LMNB2: variants seen among roughly 807,000 people sequenced by gnomAD.
The protein encoded by LMNB2 is lamin-B2.
LMNB2 carries 17 observed loss-of-function variants against 69.3 expected under a neutral mutation model. That is an observed-to-expected ratio of 0.25 (90% confidence interval 0.17 to 0.37). LMNB2 has a LOEUF of 0.37. LMNB2 is among the 10% of genes least tolerant of loss of function. LMNB2 has a pLI of 1.00. For missense variants in LMNB2, 789 were observed against 883.6 expected, an observed-to-expected ratio of 0.89 and a Z score of 1.36; for synonymous variants, 397 against 389.3, an observed-to-expected ratio of 1.02 and a Z score of -0.23.
At chr19:2,450,281 T>C (rs1972007063) in intron 1 of LMNB2, among the ~76,000 whole-genome samples, 1 of 151,948 alleles carries the variant, frequency 6.6e-6, no homozygotes, top group Admixed American at 6.6e-5. Context: ...TGGGGGAAAC[T>C]ATCAGCCTGG....
Position 2,430,426 on chromosome 19 carries a change from C to T in LMNB2, c.*485G>A, listed in dbSNP as rs138897905. The T allele has an allele frequency of 7.3e-3, 1,790 of 244,972 alleles. 9 individuals carry two copies. The highest frequency in any genetic ancestry group is 0.012 in the African/African-American group (553 of 44,328). 15.2% of individuals were successfully genotyped at this position (244,972 alleles called of 1,614,324 possible). ...GGCTGCCTGAGGAGTTCCCGCTGTC[C>T]GAAGCTGGGCAGCCAGAATGCAGGC... On this transcript the variant is annotated 3_prime_UTR_variant, in exon 12 of 12. Coordinates refer to ENST00000325327, the MANE Select transcript of LMNB2 (RefSeq NM_032737.4).
At chr19:2,440,123 T>C (rs1971879005) in intron 2 of LMNB2, among the ~76,000 whole-genome samples, 2 of 151,868 alleles carry the variant, frequency 1.3e-5, no homozygotes, top group Admixed American at 6.6e-5. Context: ...TCTAAGTATA[T>C]CTCCATCAAT....
chr19:2,442,483 C>T (rs1429334272), intron 2 of LMNB2, among the ~76,000 whole-genome samples: 1 of 152,210 alleles, frequency 6.6e-6, no homozygotes, highest in Non-Finnish European at 1.5e-5. Flanking sequence ...GCAGGAGAAT[C>T]GTTTGAATTT....
At chr19:2,438,662 G>A (rs1971857619) in intron 2 of LMNB2, 131 bp from the exon 3 acceptor site, 10 of 1,117,368 alleles carry the variant, frequency 8.9e-6, no homozygotes, top group South Asian at 1.6e-5. Context: ...TTCCCGTCCT[G>A]CAGACGACGC....
rs1335496349 is a variant in LMNB2, at chr19:2,443,290, G to T, written c.401+1114C>A. Among the ~76,000 whole-genome samples the T allele has an allele frequency of 6.6e-6, 1 of 152,216 alleles. No homozygotes were observed. On this transcript the variant is annotated intron_variant, in intron 2 of 11. Transcript: ENST00000325327. The surrounding 1 kb of genome is among the most constrained non-coding windows in gnomAD (Gnocchi z 6.2). ...GCTGACCTGGAGGGTCTCCTGTTGG[G>T]GAAGGGAAGTCAGCTCTCCACGGGA...
In LMNB2 at chr19:2,443,998, A is replaced by G. The variant is rs897672543; in HGVS notation, c.401+406T>C. 2.3e-4 allele frequency among the ~76,000 whole-genome samples: 35 copies of G among 152,116 alleles called. No individual in the cohort carries two copies. Among genetic ancestry groups the G allele is most frequent in the African/African-American group, 8.2e-4 (34 of 41,404 alleles). ...GGGACAAAACCCCGGCACCAAGAAC[A>G]TCCAACCACAGGGAAATGCCTACGA... is the stretch of plus-strand genomic sequence containing the variant. On this transcript the variant is annotated intron_variant, in intron 2 of 11. Coordinates refer to ENST00000325327, the MANE Select transcript of LMNB2 (RefSeq NM_032737.4). The surrounding 1 kb of genome is among the most constrained non-coding windows in gnomAD (Gnocchi z 6.2).
rs1599337625 is a variant in LMNB2, at chr19:2,443,493, G to A, written c.401+911C>T. Reference sequence around the variant, plus strand: ...GCTGTCACCCCCGTACCAGGTGGCCGAGGTGCCACCCCTCCTGCCAGCAGA... The same window carrying A: ...GCTGTCACCCCCGTACCAGGTGGCCAAGGTGCCACCCCTCCTGCCAGCAGA... On this transcript the variant is annotated intron_variant, in intron 2 of 11. Transcript: ENST00000325327. The surrounding 1 kb of genome is among the most constrained non-coding windows in gnomAD (Gnocchi z 6.2). 6.8e-6 allele frequency among the ~76,000 whole-genome samples: 1 copy of A among 146,160 alleles called. No homozygotes were observed. Among genetic ancestry groups the A allele is most frequent in the Non-Finnish European group, 1.5e-5 (1 of 65,586 alleles).
In LMNB2 at chr19:2,428,742, G is replaced by C. The variant is rs1599327535; in HGVS notation, c.*2169C>G. On this transcript the variant is annotated 3_prime_UTR_variant, in exon 12 of 12. Coordinates refer to ENST00000325327, the MANE Select transcript of LMNB2 (RefSeq NM_032737.4). Reference sequence around the variant, plus strand: ...CGGCACACAGCTAAGCGTATTTGGGGACAAATGCAAATTGTTTCCCAGGCC... The same window carrying C: ...CGGCACACAGCTAAGCGTATTTGGGCACAAATGCAAATTGTTTCCCAGGCC... The C allele has an allele frequency of 6.6e-6, 1 of 152,244 alleles. No individual in the cohort carries two copies. The highest frequency in any genetic ancestry group is 6.5e-5 in the Admixed American group (1 of 15,280). 9.4% of individuals were successfully genotyped at this position (152,244 alleles called of 1,614,324 possible). A position where few individuals can be genotyped will look rare whatever the true frequency, so the allele number is the denominator to read the frequency against.
chr19:2,444,573 G>C, intron 1 of LMNB2, 33 bp from the exon 2 acceptor site: 1 of 1,603,004 alleles, frequency 6.2e-7, no homozygotes, highest in East Asian at 2.2e-5. Context: ...GAAGCGAGAG[G>C]GACCCTTCCC....
chr19:2,440,855 C>A (rs1199799895), intron 2 of LMNB2, among the ~76,000 whole-genome samples: 2 of 152,234 alleles, frequency 1.3e-5, no homozygotes, highest in African/African-American at 2.4e-5. Flanking sequence ...ATCCACCCAT[C>A]TCCCTCTCTC....
intron 2 of LMNB2, among the ~76,000 whole-genome samples, 168 bp from the exon 3 acceptor site, chr19:2,438,699 A>G (rs1339136434): frequency 6.6e-6 from 1 of 152,218 alleles, no homozygotes; most frequent in East Asian, 1.9e-4. Flanking sequence ...GCAAAGGCAC[A>G]CGTGCCCTCA....
chr19:2,434,969 G>T, intron 5 of LMNB2, 32 bp downstream of exon 5: 1 of 1,584,266 alleles, frequency 6.3e-7, no homozygotes, highest in Non-Finnish European at 8.6e-7. Flanking sequence ...GTTCCCACCG[G>T]CCGCCCCCGC....
Position 2,455,958 on chromosome 19 carries a change from G to A in LMNB2, c.264+712C>T, listed in dbSNP as rs529772586. Among the ~76,000 whole-genome samples, 10 of 149,706 alleles carry A rather than the reference G, an allele frequency of 6.7e-5. No homozygotes were observed. The South Asian group carries it at 8.5e-4, about 13-fold the overall frequency. On this transcript the variant is annotated intron_variant, in intron 1 of 11. Coordinates refer to ENST00000325327, the MANE Select transcript of LMNB2 (RefSeq NM_032737.4). ...AACCCCCTGGAGACCCCCAAGCCGG[G>A]ACCCTTCCCGGTCTGCACCCCTGCC...
rs745501559 is a variant in LMNB2, at chr19:2,434,126, G to T, written c.1203-21C>A. ...TCAGCCTGTGGGGAAGGCAAGGAAG[G>T]TGGGACTGGTAGTGGGAGCCCCAGA... is the stretch of plus-strand genomic sequence containing the variant. On this transcript the variant is annotated intron_variant, in intron 7 of 11. Transcript: ENST00000325327. The T allele has an allele frequency of 3.2e-6, 5 of 1,572,840 alleles. No homozygotes were observed. In the Admixed American group the frequency reaches 9.1e-5, roughly 29 times the overall value.
At position 2,434,061 on chromosome 19, in the gene LMNB2, C is replaced by T. The variant is rs200293412; in HGVS notation, c.1247G>A (p.Arg416Gln). 12 of 1,598,846 alleles carry T rather than the reference C, an allele frequency of 7.5e-6. No homozygotes were observed. The highest frequency in any genetic ancestry group is 3.3e-5 in the South Asian group (3 of 89,852). ...GCTGCCGCTGCTGCTCGAGGTGGCTCGTGAGACGGTGACGCGCGAGGATGG... is the reference window on the plus strand; with the variant it reads ...GCTGCCGCTGCTGCTCGAGGTGGCTTGTGAGACGGTGACGCGCGAGGATGG... Reference protein sequence around the residue: ...PSPSSRVTVSRATSSSSGSLS... With the variant: ...PSPSSRVTVSQATSSSSGSLS... Residue 416 changes from arginine (R) to glutamine (Q), a missense_variant, in exon 8 of 12, where the codon CGA becomes CAA. Coordinates refer to ENST00000325327, the MANE Select transcript of LMNB2 (RefSeq NM_032737.4).
intron 4 of LMNB2, 85 bp from the exon 5 acceptor site, chr19:2,435,256 G>A: frequency 1.3e-6 from 2 of 1,543,662 alleles, no homozygotes; most frequent in South Asian, 1.1e-5. Flanking sequence ...TGTGCCAAGA[G>A]GAACCTCCAG....
At chr19:2,431,453 C>A in intron 11 of LMNB2, 95 bp downstream of exon 11, 1 of 1,530,936 alleles carries the variant, frequency 6.5e-7, no homozygotes, top group Admixed American at 1.7e-5. Flanking sequence ...GAGCTCCCGT[C>A]GGGGATGCGG....
Position 2,430,969 on chromosome 19 carries a change from A to G in LMNB2, c.1822-17T>C, listed in dbSNP as rs201909206. ...CGGGTCCCCCTGCAGGAAGGAAGGA[A>G]GGAAGGTCGGCCATGATCAGGGCCA... On this transcript the variant is annotated splice_polypyrimidine_tract_variant and intron_variant, in intron 11 of 11. Transcript: ENST00000325327. 3.1e-4 allele frequency: 496 copies of G among 1,605,032 alleles called. 2 individuals are homozygous for G. The African/African-American group carries it at 6.2e-3, about 20-fold the overall frequency.
At chr19:2,442,964 G>A (rs1971914909) in intron 2 of LMNB2, among the ~76,000 whole-genome samples, 1 of 152,200 alleles carries the variant, frequency 6.6e-6, no homozygotes, top group South Asian at 2.1e-4. Context: ...CCATCTGCAC[G>A]GTGTAGTTCT....
Sources: gnomAD v4.1 joint callset for allele counts (sites outside exome capture counted in the v4.1 genomes callset) on GRCh38, gnomAD v4.1.1 for gene constraint, Gnocchi (gnomAD v3.1) non-coding constraint, MANE v1.5 for transcripts, NCBI Gene and HGNC (gene_info 2026-07-23, HGNC 2026-07-21) for gene names.